TAFA1: variants seen among roughly 807,000 people sequenced by gnomAD.
TAFA1 encodes the protein chemokine-like protein TAFA-1.
A neutral mutation model predicts 18.5 loss-of-function variants in TAFA1; 4 were observed. The observed-to-expected ratio is 0.22, with a 90% confidence interval of 0.11 to 0.49. TAFA1 has a LOEUF of 0.49. TAFA1 is among the 20% of genes least tolerant of loss of function. The pLI, the probability that TAFA1 is intolerant of heterozygous loss-of-function variation, is 0.98. For missense variants in TAFA1, 147 were observed against 169.0 expected (o/e 0.87, Z 0.72); for synonymous variants, 56 against 55.2 (o/e 1.01, Z -0.06).
At chr3:68,093,122 C>T (rs1026777437) in intron 2 of TAFA1, among the ~76,000 whole-genome samples, 47 of 152,162 alleles carry the variant, frequency 3.1e-4, no homozygotes, top group African/African-American at 1.1e-3. Context: ...AAAAAGCTTT[C>T]GTGTACTCTC....
chr3:68,205,581 C>A (rs1041388001), intron 2 of TAFA1, among the ~76,000 whole-genome samples: 1 of 151,866 alleles, frequency 6.6e-6, no homozygotes, highest in Non-Finnish European at 1.5e-5. Flanking sequence ...CAAAAGTGGA[C>A]TGAGCACGAC....
chr3:68,476,159 A>C (rs2072093055), intron 3 of TAFA1, among the ~76,000 whole-genome samples: 1 of 152,228 alleles, frequency 6.6e-6, no homozygotes, highest in Non-Finnish European at 1.5e-5. Context: ...AAAAGCCAAA[A>C]CTGACAAATA....
At chr3:68,337,136 G>C (rs78192903) in intron 2 of TAFA1, among the ~76,000 whole-genome samples, 4 of 152,132 alleles carry the variant, frequency 2.6e-5, no homozygotes, top group Non-Finnish European at 5.9e-5. Flanking sequence ...ACTACCTGAG[G>C]CTGGATAATG....
chr3:68,006,598 C>A (rs768887960), intron 1 of TAFA1, 26 bp from the exon 2 acceptor site: 1 of 1,545,126 alleles, frequency 6.5e-7, no homozygotes, highest in Non-Finnish European at 9.0e-7. Context: ...CCGGAGGTAA[C>A]CTTTCCTGTC....
chr3:68,333,529 T>G (rs574376914), intron 2 of TAFA1, among the ~76,000 whole-genome samples: 1 of 152,298 alleles, frequency 6.6e-6, no homozygotes, highest in African/African-American at 2.4e-5. Flanking sequence ...CTATGCTTAC[T>G]ACCTGGGTGA....
At chr3:68,418,187 A>G (rs1039110131) in intron 3 of TAFA1, among the ~76,000 whole-genome samples, 11 of 152,158 alleles carry the variant, frequency 7.2e-5, no homozygotes, top group African/African-American at 2.7e-4. Context: ...GCTTTGTGTG[A>G]GCAATAAAGC....
chr3:68,223,424 A>G (rs1275795990), intron 2 of TAFA1, among the ~76,000 whole-genome samples: 1 of 152,242 alleles, frequency 6.6e-6, no homozygotes, highest in African/African-American at 2.4e-5. Flanking sequence ...TAACTAAGTC[A>G]TAGAAATAAA....
At chr3:68,062,503 A>G (rs1038633277) in intron 2 of TAFA1, among the ~76,000 whole-genome samples, 2 of 152,212 alleles carry the variant, frequency 1.3e-5, no homozygotes, top group Admixed American at 6.5e-5. Flanking sequence ...AAACAAATAA[A>G]CAGCAAGAAC....
intron 2 of TAFA1, among the ~76,000 whole-genome samples, chr3:68,200,328 TG>T: frequency 6.6e-6 from 1 of 151,642 alleles, no homozygotes; most frequent in Non-Finnish European, 1.5e-5. Flanking sequence ...GTTTTGTATT[TG>T]GGTGGTGCTG....
intron 2 of TAFA1, among the ~76,000 whole-genome samples, chr3:68,154,497 A>C (rs902017959): frequency 6.6e-6 from 1 of 152,198 alleles, no homozygotes; most frequent in Non-Finnish European, 1.5e-5. Context: ...CTTAGTTGCA[A>C]AGTGGAGCCT....
chr3:68,338,972 G>A (rs183975699), intron 2 of TAFA1, among the ~76,000 whole-genome samples: 5 of 152,248 alleles, frequency 3.3e-5, no homozygotes, highest in East Asian at 1.9e-4. Context: ...GGGCATAGTC[G>A]TCTCATGGTC....
chr3:68,243,064 A>T (rs1396668519), intron 2 of TAFA1, among the ~76,000 whole-genome samples: 3 of 151,624 alleles, frequency 2.0e-5, no homozygotes, highest in Non-Finnish European at 4.4e-5. Flanking sequence ...AGTGAGCTTT[A>T]TCTTTCTTTA....
Position 68,080,732 on chromosome 3 carries a change from G to A in TAFA1, c.118+73988G>A, listed in dbSNP as rs1023911604. 2.6e-5 allele frequency among the ~76,000 whole-genome samples: 4 copies of A among 152,070 alleles called. No individual in the cohort carries two copies. The South Asian group carries it at 8.3e-4, about 32-fold the overall frequency. ...TGAGGGTAACCTGACCTTTCTCTCTGGCTGCCCTTAACATTTTTTCCTTCA... is the reference window on the plus strand; with the variant it reads ...TGAGGGTAACCTGACCTTTCTCTCTAGCTGCCCTTAACATTTTTTCCTTCA... On this transcript the variant is annotated intron_variant, in intron 2 of 4. Transcript: ENST00000478136.
At chr3:68,542,168 A>G (rs890454248) in intron 4 of TAFA1, among the ~76,000 whole-genome samples, 7 of 152,178 alleles carry the variant, frequency 4.6e-5, no homozygotes, top group African/African-American at 1.4e-4. Flanking sequence ...ATGCCACCCT[A>G]TAGAAAGGAA....
intron 2 of TAFA1, among the ~76,000 whole-genome samples, chr3:68,377,015 G>A (rs1346371611): frequency 6.6e-6 from 1 of 152,160 alleles, no homozygotes; most frequent in Non-Finnish European, 1.5e-5. Flanking sequence ...CTTCCACCAT[G>A]ATTGTAAGTT....
At chr3:68,475,140 T>C (rs1187269307) in intron 3 of TAFA1, among the ~76,000 whole-genome samples, 1 of 144,302 alleles carries the variant, frequency 6.9e-6, no homozygotes. Flanking sequence ...CTGGCTTCTA[T>C]TTTTTTTTAA....
At chr3:68,060,953 T>C (rs143098644) in intron 2 of TAFA1, among the ~76,000 whole-genome samples, 1 of 152,296 alleles carries the variant, frequency 6.6e-6, no homozygotes, top group East Asian at 1.9e-4. Context: ...AGATCCACAG[T>C]GGGTGTGACA....
intron 2 of TAFA1, among the ~76,000 whole-genome samples, chr3:68,052,537 G>C (rs1238277454): frequency 1.3e-5 from 2 of 152,162 alleles, no homozygotes; most frequent in Non-Finnish European, 2.9e-5. Context: ...GGGAGCTCTT[G>C]ATCAGCGAAC....
intron 2 of TAFA1, among the ~76,000 whole-genome samples, chr3:68,377,213 T>C (rs573848361): frequency 3.3e-5 from 5 of 152,160 alleles, no homozygotes; most frequent in African/African-American, 9.6e-5. Context: ...TGGAACTGGG[T>C]AATGGGCAAA....
Sources: allele counts gnomAD v4.1 joint callset (sites outside exome capture counted in the v4.1 genomes callset), GRCh38; gene constraint gnomAD v4.1.1; transcripts MANE v1.5; gene names NCBI Gene and HGNC (gene_info 2026-07-23, HGNC 2026-07-21).